The following EPB41L3 variants were observed in gnomAD, a reference collection of about 807,000 sequenced individuals.
EPB41L3 encodes the protein band 4.1-like protein 3.
A neutral mutation model predicts 127.1 loss-of-function variants in EPB41L3; 57 were observed. That is an observed-to-expected ratio of 0.45 (90% CI 0.36 to 0.56). The LOEUF (loss-of-function observed/expected upper bound fraction) is 0.56. Among genes scored for constraint, EPB41L3 ranks in the 20% least tolerant of loss-of-function variants. The pLI is 0.00. For synonymous variants in EPB41L3, 572 were observed against 549.5 expected (o/e 1.04, Z -0.57); for missense variants, 1,273 against 1,372.2 (o/e 0.93, Z 1.14).
chr18:5,564,795 C>A (rs2094177020), intron 3 of EPB41L3, among the ~76,000 whole-genome samples: 1 of 152,128 alleles, frequency 6.6e-6, no homozygotes. Flanking sequence ...ACCAACAGGA[C>A]CCCAGTTCCC....
At chr18:5,447,676 G>A (rs964556260) in intron 3 of EPB41L3, among the ~76,000 whole-genome samples, 4 of 152,090 alleles carry the variant, frequency 2.6e-5, no homozygotes, top group African/African-American at 7.2e-5. Flanking sequence ...TGCTGCAGGC[G>A]CCCTGGTTAC....
chr18:5,408,085 G>T (rs942476442), intron 14 of EPB41L3, among the ~76,000 whole-genome samples: 1 of 152,084 alleles, frequency 6.6e-6, no homozygotes, highest in Non-Finnish European at 1.5e-5. Flanking sequence ...ATTAAAATTT[G>T]TAAGAATAGC....
intron 3 of EPB41L3, among the ~76,000 whole-genome samples, chr18:5,458,747 A>G (rs184132928): frequency 6.6e-6 from 1 of 152,358 alleles, no homozygotes; most frequent in Admixed American, 6.5e-5. Context: ...ATATTTTTGT[A>G]GCAGTCACCA....
chr18:5,445,353 G>T, intron 3 of EPB41L3, 109 bp from the exon 4 acceptor site: 1 of 852,702 alleles, frequency 1.2e-6, no homozygotes, highest in Non-Finnish European at 1.9e-6. Flanking sequence ...TGTAACTTTA[G>T]GGAGTGACCA....
chr18:5,529,982 G>A (rs1201333126), intron 1 of EPB41L3, among the ~76,000 whole-genome samples: 2 of 150,568 alleles, frequency 1.3e-5, no homozygotes, highest in Non-Finnish European at 2.9e-5. Context: ...ACAGCAAGTG[G>A]GGCCATTCCC....
At chr18:5,448,009 G>T (rs1452578464) in intron 3 of EPB41L3, among the ~76,000 whole-genome samples, 1 of 152,134 alleles carries the variant, frequency 6.6e-6, no homozygotes, top group African/African-American at 2.4e-5. Flanking sequence ...TGGAAGCAAT[G>T]AAATTCTTAC....
intron 2 of EPB41L3, 93 bp downstream of exon 2, chr18:5,488,908 A>C: frequency 7.3e-7 from 1 of 1,368,124 alleles, no homozygotes; most frequent in East Asian, 2.7e-5. Flanking sequence ...ATGACCCCTC[A>C]TAGCTGCCTC....
chr18:5,629,449 A>ACACACACACACT (rs1485435381), upstream of EPB41L3, among the ~76,000 whole-genome samples: 1 of 148,668 alleles, frequency 6.7e-6, no homozygotes, highest in African/African-American at 2.5e-5. Context: ...ACACACACAC[A>ACACACACACACT]CTGCCGCTAG....
chr18:5,458,126 A>T (rs887506162), intron 3 of EPB41L3, among the ~76,000 whole-genome samples: 2 of 152,146 alleles, frequency 1.3e-5, no homozygotes, highest in African/African-American at 4.8e-5. Flanking sequence ...TAATCTTTGA[A>T]ATTTGTTCAT....
Position 5,502,030 on chromosome 18 carries a change from C to CCCTCCTGCCTCCTGCCTCCTGCCTCCTG in EPB41L3, c.-11-12864_-11-12837dup, listed in dbSNP as rs149341118. Among the ~76,000 whole-genome samples, 19 of 151,784 alleles carry CCCTCCTGCCTCCTGCCTCCTGCCTCCTG rather than the reference C, an allele frequency of 1.3e-4. No individual in the cohort carries two copies. The East Asian group carries it at 2.3e-3, about 19-fold the overall frequency. On this transcript the variant is annotated intron_variant, in intron 1 of 22. Coordinates refer to ENST00000341928, the MANE Select transcript of EPB41L3 (RefSeq NM_012307.5). ...AGACAGCTGGCTCAGTCGCCATCTT[C>CCCTCCTGCCTCCTGCCTCCTGCCTCCTG]CCTCCTGCCTCCTGCCTCCTGCCTC...
intron 3 of EPB41L3, among the ~76,000 whole-genome samples, chr18:5,581,209 T>A (rs2094390633): frequency 6.6e-6 from 1 of 152,246 alleles, no homozygotes; most frequent in South Asian, 2.1e-4. Context: ...CAGTGTTTAA[T>A]GAATGATAGC....
At chr18:5,499,978 T>C (rs900191084) in intron 1 of EPB41L3, among the ~76,000 whole-genome samples, 1 of 152,072 alleles carries the variant, frequency 6.6e-6, no homozygotes, top group East Asian at 1.9e-4. Flanking sequence ...CTGTTGTTTC[T>C]ACAGAAAACA....
At chr18:5,564,482 T>C (rs35924124) in intron 3 of EPB41L3, among the ~76,000 whole-genome samples, 28,637 of 151,952 alleles carry the variant, frequency 0.19, 2,944 homozygotes, top group African/African-American at 0.26. Flanking sequence ...TAATCATAAC[T>C]ACAGGGAAAG....
chr18:5,507,753 G>C (rs1245296362), intron 1 of EPB41L3, among the ~76,000 whole-genome samples: 2 of 152,076 alleles, frequency 1.3e-5, no homozygotes, highest in Admixed American at 1.3e-4. Flanking sequence ...AAAATGAACA[G>C]CTTGTTAAAA....
intron 3 of EPB41L3, among the ~76,000 whole-genome samples, chr18:5,608,409 C>T (rs1424954715): frequency 6.6e-6 from 1 of 152,062 alleles, no homozygotes; most frequent in Admixed American, 6.6e-5. Flanking sequence ...CAGAAAGAGT[C>T]CGGAAAAAGA....
chr18:5,582,969 A>G (rs765260970), intron 3 of EPB41L3, among the ~76,000 whole-genome samples: 1 of 152,180 alleles, frequency 6.6e-6, no homozygotes, highest in African/African-American at 2.4e-5. Flanking sequence ...AACAGCTACC[A>G]TAGGGTGATG....
At chr18:5,501,259 G>A (rs1160855269) in intron 1 of EPB41L3, among the ~76,000 whole-genome samples, 2 of 146,764 alleles carry the variant, frequency 1.4e-5, no homozygotes, top group African/African-American at 5.0e-5. Context: ...TCAGCAGACT[G>A]GGGGTCATTA....
At chr18:5,445,464 T>C (rs1415422058) in intron 3 of EPB41L3, among the ~76,000 whole-genome samples, 1 of 151,994 alleles carries the variant, frequency 6.6e-6, no homozygotes, top group Non-Finnish European at 1.5e-5. Flanking sequence ...ACCCCACAAA[T>C]AAACAAAAGC....
rs903031360 is a variant in EPB41L3, at chr18:5,418,993, C to T, written c.1506+718G>A. ...TTCCCTTATTATTAGGTATAAGCCT[C>T]CTGAAGGGTTTTTTGACTTTTAAAT... On this transcript the variant is annotated intron_variant, in intron 12 of 22. Transcript: ENST00000341928. Among the ~76,000 whole-genome samples, 3 of 152,192 alleles carry T rather than the reference C, an allele frequency of 2.0e-5. No individual in the cohort carries two copies. In the East Asian group the frequency reaches 5.8e-4, roughly 29 times the overall value.
Sources: allele counts gnomAD v4.1 joint callset (sites outside exome capture counted in the v4.1 genomes callset), GRCh38; gene constraint gnomAD v4.1.1; transcripts MANE v1.5; gene names NCBI Gene and HGNC (gene_info 2026-07-23, HGNC 2026-07-21).